SIK2: variants seen among roughly 807,000 people sequenced by gnomAD.
The protein encoded by SIK2 is salt inducible kinase 2.
In SIK2, 29 loss-of-function variants were observed where a neutral mutation model predicts 103.2. That is an observed-to-expected ratio of 0.28 (90% CI 0.21 to 0.38). The LOEUF (loss-of-function observed/expected upper bound fraction) is 0.38. SIK2 is among the 10% of genes least tolerant of loss of function. The probability of loss-of-function intolerance (pLI) is 1.00; values close to 1 mark genes in which losing one functional copy is unlikely to be tolerated. For synonymous variants in SIK2, 412 were observed against 446.1 expected (o/e 0.92, Z 0.96); for missense variants, 879 against 1,171.0 (o/e 0.75, Z 3.64).
chr11:111,656,331 C>G (rs1942391713), intron 3 of SIK2, among the ~76,000 whole-genome samples: 1 of 152,144 alleles, frequency 6.6e-6, no homozygotes, highest in Non-Finnish European at 1.5e-5. Flanking sequence ...AATAATGGCT[C>G]TAGTTGTTCA....
rs887873948 is a variant in SIK2, at chr11:111,729,267, G to A, written c.*5138G>A. ...TATCAGCAGACTCAGGCACACACTG[G>A]GGCACAGATAGAGAACCAGGCGGCA... On this transcript the variant is annotated 3_prime_UTR_variant, in exon 15 of 15. Coordinates refer to ENST00000304987, the MANE Select transcript of SIK2 (RefSeq NM_015191.3). 7.2e-5 allele frequency: 11 copies of A among 152,284 alleles called. No homozygotes were observed. Among genetic ancestry groups the A allele is most frequent in the African/African-American group, 2.7e-4 (11 of 41,432 alleles). The allele number at this position is 152,284 out of a possible 1,614,324, so 9.4% of individuals were successfully genotyped here.
intron 9 of SIK2, among the ~76,000 whole-genome samples, chr11:111,715,793 C>CTTTTTTTTTTT (rs535843069): frequency 2.5e-5 from 2 of 81,598 alleles, no homozygotes; most frequent in African/African-American, 4.9e-5. Context: ...TCATTTTTAG[C>CTTTTTTTTTTT]TTTTTTTTTT....
chr11:111,691,256 T>C (rs752096820), intron 4 of SIK2, among the ~76,000 whole-genome samples: 1 of 152,192 alleles, frequency 6.6e-6, no homozygotes, highest in African/African-American at 2.4e-5. Flanking sequence ...CTTCTAATTA[T>C]ATAGAAGTCA....
In SIK2 at chr11:111,692,777, C is replaced by G. The variant is rs1416338113; in HGVS notation, c.478+4615C>G. ...CTCTGTGGGAAGAAATTACAAGAAC[C>G]CTTACAAAGTTATTCCCTCAAATTA... On this transcript the variant is annotated intron_variant, in intron 4 of 14. Transcript: ENST00000304987. 2.0e-5 allele frequency among the ~76,000 whole-genome samples: 3 copies of G among 151,792 alleles called. No homozygotes were observed. In the East Asian group the frequency reaches 5.8e-4, roughly 29 times the overall value.
At position 111,712,281 on chromosome 11, in the gene SIK2, C is replaced by G. The variant is rs1416704314; in HGVS notation, c.1172C>G (p.Pro391Arg). The part of the protein sequence containing the change: ...NMRLLRSALL[P>R]QASNVEAFSF... The stretch of plus-strand genomic sequence containing the variant: ...AGGCTGCTGCGATCTGCCCTCCTCC[C>G]CCAGGCATCCAACGTGGAGGCCTTT... The change falls in exon 9 of 15, where the codon CCC becomes CGC. Residue 391 changes from proline (P) to arginine (R), a missense_variant. This residue lies in a region of SIK2 where 222 missense variants were observed against 258.0 expected (regional missense o/e 0.86). Transcript: ENST00000304987. 1 of 1,614,118 alleles carries G rather than the reference C, an allele frequency of 6.2e-7. No homozygotes were observed. Among genetic ancestry groups the G allele is most frequent in the Admixed American group, 1.7e-5 (1 of 60,012 alleles).
intron 3 of SIK2, among the ~76,000 whole-genome samples, chr11:111,622,399 GCACCCACCACCA>G (rs938359362): frequency 1.4e-4 from 21 of 151,734 alleles, no homozygotes; most frequent in African/African-American, 5.1e-4. Flanking sequence ...GGTCCTACAG[GCACCCACCACCA>G]CACCCGGCTA....
chr11:111,644,851 A>G (rs1942234712), intron 3 of SIK2, among the ~76,000 whole-genome samples: 1 of 152,206 alleles, frequency 6.6e-6, no homozygotes, highest in Non-Finnish European at 1.5e-5. Context: ...TGAGTCACTG[A>G]GTAACGCAGT....
intron 8 of SIK2, among the ~76,000 whole-genome samples, chr11:111,706,725 G>T (rs1010111455): frequency 6.6e-6 from 1 of 152,088 alleles, no homozygotes; most frequent in Admixed American, 6.5e-5. Context: ...ACTTTGGGAG[G>T]CTGAGGTGGG....
intron 9 of SIK2, among the ~76,000 whole-genome samples, chr11:111,714,555 G>C (rs1218501630): frequency 1.3e-5 from 2 of 152,202 alleles, no homozygotes; most frequent in Non-Finnish European, 2.9e-5. Flanking sequence ...GCCTGAACTA[G>C]AATAGTGGCA....
chr11:111,673,252 T>A (rs972581942), intron 3 of SIK2, among the ~76,000 whole-genome samples: 1 of 152,236 alleles, frequency 6.6e-6, no homozygotes, highest in African/African-American at 2.4e-5. Context: ...TTAGAACCAT[T>A]GTCAGTTTCT....
chr11:111,667,270 G>A (rs1409996969), intron 3 of SIK2, among the ~76,000 whole-genome samples: 2 of 151,850 alleles, frequency 1.3e-5, no homozygotes. Context: ...TGAGAGAACA[G>A]GAGCATTACA....
chr11:111,701,515 C>T lies in SIK2; in HGVS notation c.667C>T (p.Pro223Ser). Residue 223 changes from proline (P) to serine (S), a missense_variant, in exon 6 of 15, where the codon CCA becomes TCA. By Grantham distance (74) the Pro-to-Ser change is moderately conservative. Coordinates refer to ENST00000304987, the MANE Select transcript of SIK2 (RefSeq NM_015191.3). The surrounding 1 kb of genome is among the most constrained non-coding windows in gnomAD (Gnocchi z 4.2). ...TCTGCCCTTTGATGGACCGACTCTT[C>T]CAATTTTGAGGCAGAGGGTTCTGGA... The part of the protein sequence containing the change: ...GALPFDGPTL[P>S]ILRQRVLEGR... The T allele has an allele frequency of 6.2e-7, 1 of 1,613,898 alleles. No individual in the cohort carries two copies. Among genetic ancestry groups the T allele is most frequent in the Non-Finnish European group, 8.5e-7 (1 of 1,179,862 alleles).
At chr11:111,633,933 A>G (rs1279594537) in intron 3 of SIK2, among the ~76,000 whole-genome samples, 1 of 152,190 alleles carries the variant, frequency 6.6e-6, no homozygotes, top group Non-Finnish European at 1.5e-5. Flanking sequence ...AGGTGTGATT[A>G]ATGAAAGTTA....
intron 7 of SIK2, among the ~76,000 whole-genome samples, chr11:111,704,124 G>T (rs1008316325): frequency 6.6e-6 from 1 of 152,150 alleles, no homozygotes; most frequent in African/African-American, 2.4e-5. Context: ...CCTTTCCCCC[G>T]CCACGTAGCC....
intron 3 of SIK2, among the ~76,000 whole-genome samples, chr11:111,683,855 A>ATG (rs1942809519): frequency 6.6e-6 from 1 of 152,192 alleles, no homozygotes; most frequent in Non-Finnish European, 1.5e-5. Flanking sequence ...GAAGGGGTTG[A>ATG]TGTATGCCTA....
intron 3 of SIK2, among the ~76,000 whole-genome samples, chr11:111,664,716 A>G (rs1464989126): frequency 8.4e-6 from 1 of 118,904 alleles, no homozygotes; most frequent in East Asian, 2.9e-4. Context: ...ACACCTCTAC[A>G]CCCCTCCCAT....
intron 1 of SIK2, among the ~76,000 whole-genome samples, chr11:111,612,503 A>C (rs1413961976): frequency 2.0e-5 from 3 of 152,114 alleles, no homozygotes; most frequent in Non-Finnish European, 4.4e-5. Context: ...GACTGTTTCT[A>C]TGCCACCCTT....
intron 3 of SIK2, among the ~76,000 whole-genome samples, chr11:111,674,210 G>T (rs1020013189): frequency 3.3e-5 from 5 of 152,120 alleles, no homozygotes; most frequent in Admixed American, 2.0e-4. Flanking sequence ...CCATGTTGTT[G>T]TGGAGCTATC....
At chr11:111,715,311 A>G (rs1223417437) in intron 9 of SIK2, among the ~76,000 whole-genome samples, 9 of 152,190 alleles carry the variant, frequency 5.9e-5, no homozygotes, top group African/African-American at 2.2e-4. Flanking sequence ...ATAAGTGCAC[A>G]CACACACACA....
Sources: gnomAD v4.1 joint callset for allele counts (sites outside exome capture counted in the v4.1 genomes callset) on GRCh38, gnomAD v4.1.1 for gene constraint, gnomAD v4.1.1 regional missense constraint, Gnocchi (gnomAD v3.1) non-coding constraint, MANE v1.5 for transcripts, NCBI Gene and HGNC (gene_info 2026-07-23, HGNC 2026-07-21) for gene names.